The following ADGRV1 variants were observed in gnomAD, a reference collection of about 807,000 sequenced individuals.
ADGRV1 encodes the protein adhesion G protein-coupled receptor V1, also known as G-protein coupled receptor 98.
Under a neutral mutation model 596.2 loss-of-function variants are expected in ADGRV1, and 359 were observed. The observed-to-expected ratio is 0.60, with a 90% confidence interval of 0.55 to 0.66. ADGRV1 has a LOEUF of 0.66. ADGRV1 is among the 30% of genes least tolerant of loss of function. The pLI is 0.00. For missense variants in ADGRV1, 7,274 were observed against 7,575.6 expected (o/e 0.96, Z 1.48); for synonymous variants, 2,681 against 2,679.2 (o/e 1.00, Z -0.02).
At chr5:90,968,164 T>C (rs1778645802) in intron 84 of ADGRV1, among the ~76,000 whole-genome samples, 1 of 152,154 alleles carries the variant, frequency 6.6e-6, no homozygotes. Context: ...TGTAGCTCCA[T>C]TTGGCACAAC....
intron 82 of ADGRV1, among the ~76,000 whole-genome samples, chr5:90,862,011 G>A (rs1042507805): frequency 2.6e-5 from 4 of 152,104 alleles, no homozygotes; most frequent in Non-Finnish European, 2.9e-5. Context: ...TCCTGCCACT[G>A]GCTTTGAATC....
intron 86 of ADGRV1, among the ~76,000 whole-genome samples, chr5:91,090,099 G>C (rs941612511): frequency 6.6e-6 from 1 of 151,934 alleles, no homozygotes. Context: ...AAATTACTAC[G>C]ACAGCTGTAA....
intron 50 of ADGRV1, among the ~76,000 whole-genome samples, 173 bp from the exon 51 acceptor site, chr5:90,744,872 TA>T (rs1407367596): frequency 6.6e-6 from 1 of 152,228 alleles, no homozygotes; most frequent in Admixed American, 6.5e-5. Flanking sequence ...CTAAAGCACT[TA>T]AAAAATTATT....
intron 85 of ADGRV1, among the ~76,000 whole-genome samples, chr5:91,029,196 A>G (rs1444215582): frequency 2.0e-5 from 3 of 152,172 alleles, no homozygotes; most frequent in Non-Finnish European, 4.4e-5. Context: ...TAATTGATGG[A>G]GCGAGACTCC....
At chr5:90,755,541 T>A (rs1013802089) in intron 55 of ADGRV1, among the ~76,000 whole-genome samples, 1 of 152,010 alleles carries the variant, frequency 6.6e-6, no homozygotes, top group African/African-American at 2.4e-5. Context: ...AATCTGGTTA[T>A]TTTTATTATT....
chr5:90,708,071 C>T (rs995534853), intron 38 of ADGRV1, among the ~76,000 whole-genome samples: 1 of 152,068 alleles, frequency 6.6e-6, no homozygotes, highest in Non-Finnish European at 1.5e-5. Flanking sequence ...AGGAGAAAAG[C>T]ATATGTTGGT....
At chr5:90,973,229 A>G (rs954270283) in intron 84 of ADGRV1, among the ~76,000 whole-genome samples, 1 of 152,298 alleles carries the variant, frequency 6.6e-6, no homozygotes, top group African/African-American at 2.4e-5. Context: ...CAACCAAAAA[A>G]AGTCCAGGAC....
intron 1 of ADGRV1, among the ~76,000 whole-genome samples, chr5:90,568,228 C>G (rs1755908216): frequency 6.6e-6 from 1 of 151,630 alleles, no homozygotes; most frequent in Non-Finnish European, 1.5e-5. Flanking sequence ...TGAGATCTTT[C>G]CTTTTTTTAA....
chr5:91,116,149 T>C (rs1049843992), intron 87 of ADGRV1, among the ~76,000 whole-genome samples: 5 of 152,190 alleles, frequency 3.3e-5, no homozygotes, highest in Admixed American at 6.5e-5. Context: ...TTAAACTCTT[T>C]AGATAGATAG....
At chr5:90,784,910 A>G (rs1255041215) in intron 67 of ADGRV1, among the ~76,000 whole-genome samples, 2 of 152,194 alleles carry the variant, frequency 1.3e-5, no homozygotes, top group African/African-American at 4.8e-5. Flanking sequence ...AAGGAATTGG[A>G]AAAAACTACT....
At chr5:90,727,703 A>C (rs901108946) in intron 48 of ADGRV1, among the ~76,000 whole-genome samples, 1 of 151,826 alleles carries the variant, frequency 6.6e-6, no homozygotes, top group Non-Finnish European at 1.5e-5. Context: ...TGCCCCTTTC[A>C]CTCTTTAAAG....
intron 77 of ADGRV1, among the ~76,000 whole-genome samples, chr5:90,837,082 G>A (rs1226679930): frequency 6.6e-6 from 1 of 152,326 alleles, no homozygotes; most frequent in Admixed American, 6.5e-5. Context: ...TCCCATGTAC[G>A]TAAGTACTGT....
At chr5:90,725,512 T>C (rs774653150) in intron 47 of ADGRV1, 37 bp from the exon 48 acceptor site, 2 of 1,113,368 alleles carry the variant, frequency 1.8e-6, no homozygotes, top group Non-Finnish European at 2.7e-6. Context: ...TTAGTTCAAC[T>C]CTCCTTTAAG....
intron 35 of ADGRV1, 54 bp from the exon 36 acceptor site, chr5:90,704,335 G>A (rs1748308827): frequency 1.9e-6 from 2 of 1,036,060 alleles, no homozygotes; most frequent in Admixed American, 4.6e-5. Context: ...TAAAGCAGGA[G>A]ATAGTTCATA....
At chr5:90,562,834 G>C (rs1755042557) in intron 1 of ADGRV1, among the ~76,000 whole-genome samples, 1 of 152,172 alleles carries the variant, frequency 6.6e-6, no homozygotes, top group Non-Finnish European at 1.5e-5. Context: ...AGCTCTTTCT[G>C]TATGCATTCG....
At position 90,689,851 on chromosome 5, in the gene ADGRV1, G is replaced by C; in HGVS notation, c.6491-10G>C. 1 of 1,596,674 alleles carries C rather than the reference G, an allele frequency of 6.3e-7. No individual in the cohort carries two copies. Among genetic ancestry groups the C allele is most frequent in the Non-Finnish European group, 8.6e-7 (1 of 1,166,880 alleles). On this transcript the variant is annotated splice_polypyrimidine_tract_variant and intron_variant, in intron 29 of 89. Coordinates refer to ENST00000405460, the MANE Select transcript of ADGRV1 (RefSeq NM_032119.4). Reference sequence around the variant, plus strand: ...TAGAAGTCTTAACATTTTACTTTTGGTCTTTTCAGGTGAAGATTATAGTAT... The same window carrying C: ...TAGAAGTCTTAACATTTTACTTTTGCTCTTTTCAGGTGAAGATTATAGTAT...
chr5:91,020,181 G>A (rs1783518495), intron 85 of ADGRV1, among the ~76,000 whole-genome samples: 2 of 151,962 alleles, frequency 1.3e-5, no homozygotes, highest in African/African-American at 2.4e-5. Context: ...GTAAGTCCCA[G>A]CAATTGTTCT....
intron 83 of ADGRV1, among the ~76,000 whole-genome samples, chr5:90,957,080 C>CT (rs1375587781): frequency 6.6e-6 from 1 of 151,962 alleles, no homozygotes; most frequent in African/African-American, 2.4e-5. Context: ...ATGCAGGAAA[C>CT]TAAGTATGGC....
Position 90,840,943 on chromosome 5 carries a change from C to A in ADGRV1, c.16977C>A (p.Asn5659Lys). The A allele has an allele frequency of 6.7e-7, 1 of 1,494,700 alleles. No individual in the cohort carries two copies. The highest frequency in any genetic ancestry group is 8.9e-7 in the Non-Finnish European group (1 of 1,119,496). 92.6% of individuals were successfully genotyped at this position (1,494,700 alleles called of 1,614,324 possible). Residue 5659 changes from asparagine (N) to lysine (K), a missense_variant, in exon 78 of 90, where the codon AAC becomes AAA. Asn to Lys is a moderately conservative substitution (Grantham distance 94, BLOSUM62 0). Transcript: ENST00000405460. ...TCAGCATGAAAGTGGCCACAGAAAA[C>A]ACAGATGAACAACTCAGTGCCATGA... is the stretch of plus-strand genomic sequence containing the variant. The part of the protein sequence containing the change: ...HTISMKVATE[N>K]TDEQLSAMMH...
Sources: gnomAD v4.1 joint callset for allele counts (sites outside exome capture counted in the v4.1 genomes callset) on GRCh38, gnomAD v4.1.1 for gene constraint, MANE v1.5 for transcripts, NCBI Gene and HGNC (gene_info 2026-07-23, HGNC 2026-07-21) for gene names.